The following UBAC2 variants were observed in gnomAD, a reference collection of about 807,000 sequenced individuals.
UBAC2 encodes UBA domain containing 2.
A neutral mutation model predicts 44.0 loss-of-function variants in UBAC2; 26 were observed. The observed-to-expected ratio is 0.59, with a 90% confidence interval of 0.43 to 0.82. The LOEUF (loss-of-function observed/expected upper bound fraction) is 0.82, where lower values mean the gene tolerates loss of function less well. Among genes scored for constraint, UBAC2 ranks in the 40% least tolerant of loss-of-function variants. The pLI is 0.00. For missense variants in UBAC2, 329 were observed against 419.4 expected (o/e 0.78, Z 1.88); for synonymous variants, 155 against 154.3 (o/e 1.00, Z -0.04).
intron 7 of UBAC2, among the ~76,000 whole-genome samples, chr13:99,347,276 G>A (rs549579531): frequency 4.0e-4 from 56 of 139,190 alleles, no homozygotes; most frequent in Middle Eastern, 8.2e-3. Context: ...TTCAGGAAGA[G>A]TAGGTGTTTC....
At chr13:99,381,575 G>T (rs937522118) in intron 8 of UBAC2, among the ~76,000 whole-genome samples, 1 of 152,186 alleles carries the variant, frequency 6.6e-6, no homozygotes, top group East Asian at 1.9e-4. Flanking sequence ...TGGAAGGAAG[G>T]CAGGCCAGCT....
intron 7 of UBAC2, among the ~76,000 whole-genome samples, chr13:99,364,243 A>G (rs775613643): frequency 1.3e-5 from 2 of 151,632 alleles, no homozygotes; most frequent in Non-Finnish European, 2.9e-5. Context: ...AATTTTGTCA[A>G]ATTGTTTTCA....
chr13:99,247,456 C>T (rs1377036377), intron 4 of UBAC2, among the ~76,000 whole-genome samples: 7 of 151,784 alleles, frequency 4.6e-5, no homozygotes, highest in South Asian at 2.1e-4. Context: ...CCTCGTGATC[C>T]GCCCGCCTCG....
intron 8 of UBAC2, among the ~76,000 whole-genome samples, chr13:99,369,532 TC>T (rs2138900923): frequency 6.6e-6 from 1 of 152,350 alleles, no homozygotes; most frequent in Admixed American, 6.5e-5. Context: ...GTTCTGAGCA[TC>T]TTTAAGGTAG....
In UBAC2 at chr13:99,295,156, C is replaced by T. The variant is rs781073887; in HGVS notation, c.390-18941C>T. 2.9e-5 allele frequency: 47 copies of T among 1,613,978 alleles called. No homozygotes were observed. The highest frequency in any genetic ancestry group is 2.2e-4 in the Admixed American group (13 of 59,998). ...GGGCTGACTTCACAGCACTAGAAATCGATACACTGACTTGCCGTTTCAGCA... is the reference window on the plus strand; with the variant it reads ...GGGCTGACTTCACAGCACTAGAAATTGATACACTGACTTGCCGTTTCAGCA... On this transcript the variant is annotated intron_variant, in intron 4 of 8. Transcript: ENST00000403766. The surrounding 1 kb of genome is among the most constrained non-coding windows in gnomAD (Gnocchi z 4.1).
intron 4 of UBAC2, among the ~76,000 whole-genome samples, chr13:99,306,116 G>A (rs1037662901): frequency 4.6e-5 from 7 of 152,010 alleles, no homozygotes; most frequent in Admixed American, 1.3e-4. Flanking sequence ...GGCTGGTCTC[G>A]AACTCCTGAT....
At chr13:99,203,589 T>C (rs1049031667) in intron 1 of UBAC2, among the ~76,000 whole-genome samples, 7 of 152,196 alleles carry the variant, frequency 4.6e-5, no homozygotes, top group African/African-American at 1.7e-4. Context: ...TGGGTACCCA[T>C]ATCAGCCACA....
intron 4 of UBAC2, among the ~76,000 whole-genome samples, chr13:99,302,562 A>G (rs1324128189): frequency 6.6e-6 from 1 of 152,242 alleles, no homozygotes; most frequent in Non-Finnish European, 1.5e-5. Flanking sequence ...AATTTGGCCC[A>G]GTGTCACACA....
intron 6 of UBAC2, among the ~76,000 whole-genome samples, chr13:99,336,387 T>C (rs2044789291): frequency 6.6e-6 from 1 of 152,214 alleles, no homozygotes; most frequent in Non-Finnish European, 1.5e-5. Flanking sequence ...TGTTTCTTAA[T>C]TTAAAATATT....
At chr13:99,330,071 A>G (rs2044693312) in intron 6 of UBAC2, among the ~76,000 whole-genome samples, 1 of 152,224 alleles carries the variant, frequency 6.6e-6, no homozygotes, top group Non-Finnish European at 1.5e-5. Context: ...ATCTTTCATT[A>G]GATGTATTTC....
intron 1 of UBAC2, among the ~76,000 whole-genome samples, chr13:99,233,627 A>G (rs1027966319): frequency 6.6e-6 from 1 of 152,190 alleles, no homozygotes; most frequent in Non-Finnish European, 1.5e-5. Context: ...TGGAAAAAGA[A>G]TGCAACTGAT....
chr13:99,364,471 T>C (rs926624817), intron 7 of UBAC2, among the ~76,000 whole-genome samples: 8 of 151,804 alleles, frequency 5.3e-5, no homozygotes, highest in Non-Finnish European at 2.9e-5. Flanking sequence ...GTATAATTTT[T>C]CTTGCTCATA....
chr13:99,359,930 CA>C (rs776180193), intron 7 of UBAC2, among the ~76,000 whole-genome samples: 7 of 152,186 alleles, frequency 4.6e-5, no homozygotes, highest in Non-Finnish European at 1.0e-4. Context: ...CTTCACACTT[CA>C]AAACCTGGCA....
intron 4 of UBAC2, among the ~76,000 whole-genome samples, chr13:99,301,838 TC>T (rs2044261598): frequency 6.6e-6 from 1 of 152,232 alleles, no homozygotes; most frequent in Non-Finnish European, 1.5e-5. Context: ...TTTACCATAT[TC>T]GGGGATTTAG....
chr13:99,259,969 A>G (rs1479072510), intron 4 of UBAC2, among the ~76,000 whole-genome samples: 1 of 152,170 alleles, frequency 6.6e-6, no homozygotes, highest in Non-Finnish European at 1.5e-5. Context: ...GCCTGGCTTC[A>G]GGTTGGGGTG....
intron 4 of UBAC2, among the ~76,000 whole-genome samples, chr13:99,247,324 C>T (rs935993587): frequency 6.6e-6 from 1 of 151,740 alleles, no homozygotes; most frequent in Non-Finnish European, 1.5e-5. Context: ...ACGCCATTCT[C>T]CTGCCTCAGC....
chr13:99,206,430 CT>C (rs908008083), intron 1 of UBAC2, among the ~76,000 whole-genome samples: 4 of 152,228 alleles, frequency 2.6e-5, no homozygotes, highest in African/African-American at 9.6e-5. Context: ...ATGGATGTGC[CT>C]TCTTCCACGG....
chr13:99,358,659 G>A (rs2045222590), intron 7 of UBAC2, among the ~76,000 whole-genome samples: 2 of 152,180 alleles, frequency 1.3e-5, no homozygotes, highest in Admixed American at 1.3e-4. Context: ...TGTATCTTAG[G>A]AACTAACTCT....
chr13:99,292,377 C>T (rs540436837), intron 4 of UBAC2, among the ~76,000 whole-genome samples: 11 of 151,924 alleles, frequency 7.2e-5, no homozygotes, highest in African/African-American at 2.2e-4. Context: ...CTCCTGACCT[C>T]GTGATTCACC....
Sources: allele counts gnomAD v4.1 joint callset (sites outside exome capture counted in the v4.1 genomes callset), GRCh38; gene constraint gnomAD v4.1.1; non-coding constraint Gnocchi (gnomAD v3.1); transcripts MANE v1.5; gene names NCBI Gene and HGNC (gene_info 2026-07-23, HGNC 2026-07-21).